RUNDC3B: variants seen among roughly 807,000 people sequenced by gnomAD.
RUNDC3B encodes RUN domain-containing protein 3B.
In RUNDC3B, 33 loss-of-function variants were observed where a neutral mutation model predicts 58.4. The observed-to-expected ratio is 0.56, with a 90% confidence interval of 0.43 to 0.75. The LOEUF is 0.75. Among genes scored for constraint, RUNDC3B ranks in the 30% least tolerant of loss-of-function variants. The pLI, the probability that RUNDC3B is intolerant of heterozygous loss-of-function variation, is 0.00. For missense variants in RUNDC3B, 501 were observed against 535.7 expected (o/e 0.94, Z 0.64); for synonymous variants, 193 against 195.2 (o/e 0.99, Z 0.10).
intron 8 of RUNDC3B, among the ~76,000 whole-genome samples, chr7:87,780,956 T>C (rs148129518): frequency 2.0e-5 from 3 of 152,170 alleles, no homozygotes; most frequent in African/African-American, 7.2e-5. Flanking sequence ...TTAGGATTGA[T>C]TTGGCTATTT....
chr7:87,789,907 TG>T (rs1314735424), intron 8 of RUNDC3B, among the ~76,000 whole-genome samples: 2 of 152,184 alleles, frequency 1.3e-5, no homozygotes, highest in African/African-American at 4.8e-5. Context: ...CTGCCACCCT[TG>T]GCCCCTAGAC....
At chr7:87,679,087 C>CT (rs35353390) in intron 2 of RUNDC3B, among the ~76,000 whole-genome samples, 32 of 60,644 alleles carry the variant, frequency 5.3e-4, no homozygotes, top group South Asian at 1.3e-3. Context: ...AACACCCCAA[C>CT]TTTTTTTTTT....
Position 87,675,653 on chromosome 7 carries a change from C to CAA in RUNDC3B, c.238+24734_238+24735dup, listed in dbSNP as rs200136132. On this transcript the variant is annotated intron_variant, in intron 2 of 10. Coordinates refer to ENST00000394654, the MANE Select transcript of RUNDC3B (RefSeq NM_001134405.2). ...GTTCAGAAAACTGAATATTCACATG[C>CAA]AAAAAAAAAAAAAAAAAAAGGAAAA... Among the ~76,000 whole-genome samples the CAA allele has an allele frequency of 1.6e-3, 108 of 65,782 alleles. 1 individual carries two copies. The highest frequency in any genetic ancestry group is 2.8e-3 in the African/African-American group (49 of 17,344). The allele number at this position is 65,782 out of a possible 152,430, so 43.2% of individuals were successfully genotyped here.
intron 4 of RUNDC3B, among the ~76,000 whole-genome samples, chr7:87,717,432 A>G (rs188178289): frequency 6.6e-6 from 1 of 152,192 alleles, no homozygotes; most frequent in Non-Finnish European, 1.5e-5. Flanking sequence ...TAAAAATAAT[A>G]TTTTTTGGTA....
chr7:87,666,334 T>C (rs1389010458), intron 2 of RUNDC3B, among the ~76,000 whole-genome samples: 5 of 151,896 alleles, frequency 3.3e-5, no homozygotes, highest in Admixed American at 6.6e-5. Flanking sequence ...TTTTATGGAG[T>C]GGTTTGTTTT....
chr7:87,683,939 A>G (rs1201786107), intron 2 of RUNDC3B, among the ~76,000 whole-genome samples: 1 of 152,226 alleles, frequency 6.6e-6, no homozygotes, highest in East Asian at 1.9e-4. Flanking sequence ...AGACATCAGA[A>G]TCTTCAATAA....
chr7:87,772,363 CAGAA>C (rs1834331963), intron 7 of RUNDC3B, among the ~76,000 whole-genome samples: 1 of 151,080 alleles, frequency 6.6e-6, no homozygotes, highest in African/African-American at 2.4e-5. Context: ...CTAAAAATAT[CAGAA>C]AGAGTCAGAG....
chr7:87,783,179 ATGTG>A, intron 8 of RUNDC3B, among the ~76,000 whole-genome samples: 1 of 148,706 alleles, frequency 6.7e-6, no homozygotes, highest in Non-Finnish European at 1.5e-5. Flanking sequence ...GTGTTTGTGT[ATGTG>A]TGTGTGTGTG....
chr7:87,778,112 A>G (rs1299453025), intron 8 of RUNDC3B, among the ~76,000 whole-genome samples, 157 bp downstream of exon 8: 1 of 152,158 alleles, frequency 6.6e-6, no homozygotes, highest in Admixed American at 6.5e-5. Flanking sequence ...TCTTGTTATT[A>G]CAGAAGTAAT....
intron 9 of RUNDC3B, among the ~76,000 whole-genome samples, chr7:87,808,937 A>G (rs1308683458): frequency 6.6e-6 from 1 of 152,128 alleles, no homozygotes; most frequent in African/African-American, 2.4e-5. Context: ...AAATCCTGGT[A>G]AGTTAAAAGA....
intron 2 of RUNDC3B, among the ~76,000 whole-genome samples, chr7:87,689,776 T>A (rs1827845593): frequency 6.6e-6 from 1 of 152,158 alleles, no homozygotes; most frequent in Non-Finnish European, 1.5e-5. Context: ...TATTGTTACC[T>A]CTTTTCCTTA....
At chr7:87,790,508 G>A (rs1835465444) in intron 8 of RUNDC3B, among the ~76,000 whole-genome samples, 1 of 152,018 alleles carries the variant, frequency 6.6e-6, no homozygotes, top group South Asian at 2.1e-4. Flanking sequence ...AAATCAACTT[G>A]GAGTCCTGGA....
chr7:87,831,365 G>A lies in RUNDC3B; in HGVS notation c.*1335G>A, dbSNP rs1358358752. On this transcript the variant is annotated 3_prime_UTR_variant, in exon 11 of 11. Coordinates refer to ENST00000394654, the MANE Select transcript of RUNDC3B (RefSeq NM_001134405.2). Reference sequence around the variant, plus strand: ...CTTTGTGTTAGAAATGTAGGAGTGTGGTGGTTTTCTGCAATATTTAGAGCT... The same window carrying A: ...CTTTGTGTTAGAAATGTAGGAGTGTAGTGGTTTTCTGCAATATTTAGAGCT... 1.3e-5 allele frequency: 2 copies of A among 151,684 alleles called. No homozygotes were observed. Among genetic ancestry groups the A allele is most frequent in the Admixed American group, 6.6e-5 (1 of 15,184 alleles). 9.4% of individuals were successfully genotyped at this position (151,684 alleles called of 1,614,324 possible). A position where few individuals can be genotyped will look rare whatever the true frequency, so the allele number is the denominator to read the frequency against.
chr7:87,770,821 T>A, intron 7 of RUNDC3B, 72 bp downstream of exon 7: 1 of 1,001,426 alleles, frequency 1.0e-6, no homozygotes, highest in South Asian at 1.7e-5. Context: ...TGCCAAAATA[T>A]TTTTTAACTG....
chr7:87,700,430 C>G lies in RUNDC3B; in HGVS notation c.248C>G (p.Thr83Ser), dbSNP rs770140692. The stretch of plus-strand genomic sequence containing the variant: ...AATTTGTCTCCTGAAGGTCAAGTAA[C>G]CTGGTTTGGTTATGAAAGTCCTCGT... ...ILSHRLKGQV[T>S]WFGYESPRSF... The change falls in exon 3 of 11, where the codon ACC becomes AGC. Residue 83 changes from threonine to serine, a missense_variant. By Grantham distance (58) the Thr-to-Ser change is moderately conservative. Coordinates refer to ENST00000394654, the MANE Select transcript of RUNDC3B (RefSeq NM_001134405.2). 2 of 1,601,590 alleles carry G rather than the reference C, an allele frequency of 1.2e-6. No individual in the cohort carries two copies. Among genetic ancestry groups the G allele is most frequent in the Non-Finnish European group, 1.7e-6 (2 of 1,176,148 alleles).
rs556376827 is a variant in RUNDC3B, at chr7:87,644,206, T to C, written c.123-6616T>C. 2.6e-5 allele frequency among the ~76,000 whole-genome samples: 4 copies of C among 152,282 alleles called. No homozygotes were observed. In the South Asian group the frequency reaches 8.3e-4, roughly 32 times the overall value. On this transcript the variant is annotated intron_variant, in intron 1 of 10. Coordinates refer to ENST00000394654, the MANE Select transcript of RUNDC3B (RefSeq NM_001134405.2). ...AATTCTCTGTGTTTCTGATGTAAAA[T>C]ATAAGAGAGAAAATAGGCCTTCCAG...
chr7:87,698,455 G>A (rs1211721105), intron 2 of RUNDC3B, among the ~76,000 whole-genome samples: 3 of 152,196 alleles, frequency 2.0e-5, no homozygotes, highest in South Asian at 2.1e-4. Flanking sequence ...ATTTATAGAT[G>A]CATTTGTTTT....
At chr7:87,784,571 G>C (rs986264703) in intron 8 of RUNDC3B, among the ~76,000 whole-genome samples, 1 of 151,994 alleles carries the variant, frequency 6.6e-6, no homozygotes, top group Non-Finnish European at 1.5e-5. Context: ...ATTTTTGTTT[G>C]GTGGTGTAAT....
At chr7:87,655,198 A>G (rs968948746) in intron 2 of RUNDC3B, among the ~76,000 whole-genome samples, 2 of 152,144 alleles carry the variant, frequency 1.3e-5, no homozygotes, top group Non-Finnish European at 2.9e-5. Flanking sequence ...ACCTCCATGT[A>G]AACCAGCAAT....
Sources: allele counts gnomAD v4.1 joint callset (sites outside exome capture counted in the v4.1 genomes callset), GRCh38; gene constraint gnomAD v4.1.1; transcripts MANE v1.5; gene names NCBI Gene and HGNC (gene_info 2026-07-23, HGNC 2026-07-21).